The following PKD1L3 variants were observed in gnomAD, a reference collection of about 807,000 sequenced individuals.
PKD1L3 encodes the protein polycystin 1 like 3, transient receptor potential channel interacting, also known as polycystin-1-like protein 3.
In PKD1L3, 239 loss-of-function variants were observed where a neutral mutation model predicts 184.1. The ratio of observed to expected loss-of-function variants is 1.30; its 90% CI spans 1.17 to 1.45. The LOEUF (loss-of-function observed/expected upper bound fraction) is 1.45. Among genes scored for constraint, PKD1L3 ranks in the 40% most tolerant of loss-of-function variants. PKD1L3 has a pLI of 0.00. For missense variants in PKD1L3, 2,660 were observed against 2,067.2 expected (o/e 1.29, Z -5.56); for synonymous variants, 996 against 778.8 (o/e 1.28, Z -4.64).
intron 11 of PKD1L3, among the ~76,000 whole-genome samples, chr16:71,975,957 CTTTTT>C (rs11405422): frequency 8.2e-5 from 2 of 24,336 alleles, no homozygotes; most frequent in African/African-American, 1.5e-4. Flanking sequence ...TGTTTCTGTT[CTTTTT>C]TTTTTTTTTG....
At position 71,967,165 on chromosome 16, in the gene PKD1L3, G is replaced by T. The variant is rs1196930873; in HGVS notation, c.2437C>A (p.His813Asn). Reference protein sequence around the residue: ...LGNLHSLRLWHDNSGVSPSWY... With the variant: ...LGNLHSLRLWNDNSGVSPSWY... ...GAGGGACTGACGCCAGAATTGTCAT[G>T]CCAGAGCCGAAGGCTGTGCAGGTTC... The change falls in exon 15 of 30, where the codon CAT becomes AAT. Residue 813 changes from histidine to asparagine, a missense_variant. Physicochemically the swap from His to Asn is moderately conservative, Grantham distance 68. Transcript: ENST00000620267. 6.4e-7 allele frequency: 1 copy of T among 1,551,688 alleles called. No homozygotes were observed. The highest frequency in any genetic ancestry group is 2.0e-5 in the Admixed American group (1 of 50,998).
chr16:71,930,144 G>C lies in PKD1L3; in HGVS notation c.4966C>G (p.Leu1656Val). Residue 1656 changes from leucine (L) to valine (V), a missense_variant, in exon 29 of 30, where the codon CTC (leucine) becomes GTC (valine). By Grantham distance (32) the Leu-to-Val change is conservative. Transcript: ENST00000620267. The stretch of plus-strand genomic sequence containing the variant: ...AGTACCATCAAGATGACACTGGTGA[G>C]GATCAGAAAGGTGCCCAGGACTGGG... ...LDPVLGTFLI[L>V]TSVILMVLVV... 1 of 1,551,386 alleles carries C rather than the reference G, an allele frequency of 6.4e-7. No individual in the cohort carries two copies. The highest frequency in any genetic ancestry group is 1.2e-5 in the South Asian group (1 of 84,016).
chr16:71,953,876 G>C (rs2038944416), intron 17 of PKD1L3, among the ~76,000 whole-genome samples: 1 of 152,140 alleles, frequency 6.6e-6, no homozygotes, highest in Non-Finnish European at 1.5e-5. Flanking sequence ...ACATGATTCT[G>C]TTTCTTTCTA....
chr16:71,997,772 T>TAAAA (rs1194974433), intron 2 of PKD1L3, among the ~76,000 whole-genome samples: 25 of 151,118 alleles, frequency 1.7e-4, no homozygotes, highest in Admixed American at 1.1e-3. Flanking sequence ...AATAAATAAA[T>TAAAA]AAATAAATAA....
In PKD1L3 at chr16:71,981,535, CTTTTTTTTT is replaced by C. The variant is rs543488508; in HGVS notation, c.1143+515_1143+523del. 4.8e-3 allele frequency among the ~76,000 whole-genome samples: 500 copies of C among 105,086 alleles called. 5 individuals carry two copies. The highest frequency in any genetic ancestry group is 9.5e-3 in the African/African-American group (257 of 26,980). 68.9% of individuals were successfully genotyped at this position (105,086 alleles called of 152,430 possible). A position where few individuals can be genotyped will look rare whatever the true frequency, so the allele number is the denominator to read the frequency against. On this transcript the variant is annotated intron_variant, in intron 7 of 29. Transcript: ENST00000620267. ...CTTTATGCCAACACTTTCCTAAATT[CTTTTTTTTT>C]TTTTTTTTTTTTTTTTTTATGGAAT...
chr16:71,987,463 T>A (rs1266523914), intron 4 of PKD1L3, among the ~76,000 whole-genome samples: 2 of 151,880 alleles, frequency 1.3e-5, no homozygotes, highest in African/African-American at 4.8e-5. Context: ...AGCCTCCTCT[T>A]CCCGGTTCAA....
At position 71,949,825 on chromosome 16, in the gene PKD1L3, A is replaced by C. The variant is rs1352307897; in HGVS notation, c.3576T>G (p.Ile1192Met). 1.3e-6 allele frequency: 2 copies of C among 1,551,394 alleles called. No individual in the cohort carries two copies. Among genetic ancestry groups the C allele is most frequent in the Middle Eastern group, 3.4e-4 (2 of 5,818 alleles). ...DQATSWMISI[I>M]LSVLQNIFIS... Reference sequence around the variant, plus strand: ...TGAAGATGTTCTGAAGCACTGATAAAATAATTGAAATCATCCAGCTGGTGG... The same window carrying C: ...TGAAGATGTTCTGAAGCACTGATAACATAATTGAAATCATCCAGCTGGTGG... The change falls in exon 21 of 30, where the codon ATT (isoleucine) becomes ATG (methionine). Residue 1192 changes from isoleucine (I) to methionine (M), a missense_variant. Ile to Met is a conservative substitution (Grantham distance 10). Transcript: ENST00000620267.
intron 28 of PKD1L3, chr16:71,930,551 A>C (rs1366603366): frequency 6.2e-6 from 1 of 162,176 alleles, no homozygotes; most frequent in East Asian, 1.7e-4. Flanking sequence ...ACCAGAAATG[A>C]GAATGCACAC....
Position 71,937,334 on chromosome 16 carries a change from TTG to T in PKD1L3, c.4408_4409del (p.Gln1470SerfsTer41). On this transcript the variant is annotated frameshift_variant, in exon 25 of 30. Transcript: ENST00000620267. LOFTEE classifies it high-confidence loss of function. ...KKGCVWSIIS[Q>X]VIYYLLVCYY... ...AACAGACCAGTAGATAATAGATGACTTGTGAGATGATAGACCAGACACAGCCC... is the reference window on the plus strand; with the variant it reads ...AACAGACCAGTAGATAATAGATGACTTGAGATGATAGACCAGACACAGCCC... The T allele has an allele frequency of 6.4e-7, 1 of 1,551,634 alleles. No homozygotes were observed. The highest frequency in any genetic ancestry group is 8.7e-7 in the Non-Finnish European group (1 of 1,146,980).
intron 14 of PKD1L3, among the ~76,000 whole-genome samples, chr16:71,967,656 G>A (rs187783266): frequency 2.3e-4 from 35 of 152,228 alleles, no homozygotes; most frequent in Non-Finnish European, 4.1e-4. Flanking sequence ...GTAGAGAAGG[G>A]TTTTCACCTT....
intron 2 of PKD1L3, among the ~76,000 whole-genome samples, chr16:71,997,776 T>TAAATA: frequency 6.6e-6 from 1 of 151,316 alleles, no homozygotes; most frequent in South Asian, 2.1e-4. Flanking sequence ...AATAAATAAA[T>TAAATA]AAATAAATAA....
At chr16:71,944,293 A>G (rs1699963347) in intron 22 of PKD1L3, 123 bp from the exon 23 acceptor site, 3 of 929,518 alleles carry the variant, frequency 3.2e-6, no homozygotes, top group South Asian at 1.6e-5. Context: ...AAAACTACCT[A>G]TGCAGTGCTT....
Position 71,937,358 on chromosome 16 carries a change from G to T in PKD1L3, c.4386C>A (p.Gly1462=). 1 of 1,551,558 alleles carries T rather than the reference G, an allele frequency of 6.4e-7. No homozygotes were observed. Among genetic ancestry groups the T allele is most frequent in the Non-Finnish European group, 8.7e-7 (1 of 1,146,892 alleles). The change falls in exon 25 of 30, where the codon GGC becomes GGA. Residue 1462 remains glycine (G), a synonymous_variant. Transcript: ENST00000620267. ...CTTGTGAGATGATAGACCAGACACA[G>T]CCCTTCTTTGACATCTGAAGGGAAG... is the stretch of plus-strand genomic sequence containing the variant. ...SFTSLQMSKK[G]CVWSIISQVI... is the part of the protein sequence containing the mutation.
chr16:71,961,331 C>T (rs1038633481), intron 16 of PKD1L3, among the ~76,000 whole-genome samples: 1 of 152,078 alleles, frequency 6.6e-6, no homozygotes, highest in Non-Finnish European at 1.5e-5. Context: ...CCATGTTGGC[C>T]AGGCTGGTCT....
At chr16:71,984,591 G>A (rs901190721) in intron 5 of PKD1L3, among the ~76,000 whole-genome samples, 2 of 152,236 alleles carry the variant, frequency 1.3e-5, no homozygotes, top group Non-Finnish European at 2.9e-5. Context: ...TGGGCGTGAT[G>A]GCTCACGCCT....
chr16:71,977,560 C>CTTTTT lies in PKD1L3; in HGVS notation c.1528-98_1528-94dup, dbSNP rs1555523481. 1.8e-5 allele frequency: 10 copies of CTTTTT among 543,736 alleles called. 2 individuals carry two copies. Among genetic ancestry groups the CTTTTT allele is most frequent in the African/African-American group, 5.2e-5 (2 of 38,236 alleles). The allele number at this position is 543,736 out of a possible 1,614,324, so 33.7% of individuals were successfully genotyped here. On this transcript the variant is annotated intron_variant, in intron 10 of 29. Coordinates refer to ENST00000620267, the MANE Select transcript of PKD1L3 (RefSeq NM_181536.2). ...GATAAGGTAAGGAAACGTCCTAGCTCTTTTTTTTTTTTTTTTTTTTGAGAT... is the reference window on the plus strand; with the variant it reads ...GATAAGGTAAGGAAACGTCCTAGCTCTTTTTTTTTTTTTTTTTTTTTTTTTGAGAT...
In PKD1L3 at chr16:71,934,111, T is replaced by C; in HGVS notation, c.4628A>G (p.Tyr1543Cys). 6.4e-7 allele frequency: 1 copy of C among 1,551,862 alleles called. No individual in the cohort carries two copies. Among genetic ancestry groups the C allele is most frequent in the Non-Finnish European group, 8.7e-7 (1 of 1,147,034 alleles). The change falls in exon 27 of 30, where the codon TAT becomes TGT. Residue 1543 changes from tyrosine to cysteine, a missense_variant. By Grantham distance (194) the Tyr-to-Cys change is radical. Coordinates refer to ENST00000620267, the MANE Select transcript of PKD1L3 (RefSeq NM_181536.2). ...AGCAGAGTTCACTTTTACTGCCTCA[T>C]AGAAGCTGATGAATCTGCACCAAGG... ...RDDQDRFISF[Y>C]EAVKVNSAAT...
chr16:71,949,600 G>C (rs1243399744), intron 21 of PKD1L3, among the ~76,000 whole-genome samples, 183 bp downstream of exon 21: 1 of 152,060 alleles, frequency 6.6e-6, no homozygotes, highest in Admixed American at 6.6e-5. Context: ...CAATCTGCCT[G>C]CCTTGGCCTC....
Position 71,999,708 on chromosome 16 carries a change from T to G in PKD1L3, c.271A>C (p.Lys91Gln), listed in dbSNP as rs757444755. 5.8e-6 allele frequency: 9 copies of G among 1,549,172 alleles called. No individual in the cohort carries two copies. Among genetic ancestry groups the G allele is most frequent in the Middle Eastern group, 3.3e-4 (2 of 6,014 alleles). The change falls in exon 1 of 30, where the codon AAG becomes CAG. Residue 91 changes from lysine to glutamine, a missense_variant. Physicochemically the swap from Lys to Gln is moderately conservative, Grantham distance 53. Coordinates refer to ENST00000620267, the MANE Select transcript of PKD1L3 (RefSeq NM_181536.2). ...WIGQNVMPLK[K>Q]HQDNKYPADV... ...CCTGGGTATTTGTTGTCTTGATGCT[T>G]TTTCAATGGCATTACATTTTGCCCA...
Sources: gnomAD v4.1 joint callset for allele counts (sites outside exome capture counted in the v4.1 genomes callset) on GRCh38, gnomAD v4.1.1 for gene constraint, MANE v1.5 for transcripts, NCBI Gene and HGNC (gene_info 2026-07-23, HGNC 2026-07-21) for gene names.